The following MTUS2 variants were observed in gnomAD, a reference collection of about 807,000 sequenced individuals.
MTUS2 encodes microtubule-associated tumor suppressor candidate 2.
In MTUS2, 40 loss-of-function variants were observed where a neutral mutation model predicts 114.1. The ratio of observed to expected loss-of-function variants is 0.35; its 90% CI spans 0.27 to 0.46. The LOEUF (loss-of-function observed/expected upper bound fraction) is 0.46, where lower values mean the gene tolerates loss of function less well. MTUS2 is among the 20% of genes least tolerant of loss of function. MTUS2 has a pLI of 1.00. For missense variants in MTUS2, 1,679 were observed against 1,705.4 expected, an observed-to-expected ratio of 0.98 and a Z score of 0.27; for synonymous variants, 688 against 672.0, an observed-to-expected ratio of 1.02 and a Z score of -0.37.
At chr13:29,149,613 G>T (rs578217612) in intron 5 of MTUS2, among the ~76,000 whole-genome samples, 2 of 152,180 alleles carry the variant, frequency 1.3e-5, no homozygotes, top group Non-Finnish European at 2.9e-5. Context: ...GTCCTGAATG[G>T]TATTGCCTAG....
intron 5 of MTUS2, among the ~76,000 whole-genome samples, chr13:29,149,341 T>C (rs1269269114): frequency 2.0e-5 from 3 of 152,250 alleles, no homozygotes; most frequent in East Asian, 3.8e-4. Context: ...AAGTGTCTGT[T>C]CATGTCCTTT....
chr13:29,081,308 A>G (rs1889429809), intron 4 of MTUS2, among the ~76,000 whole-genome samples: 1 of 152,134 alleles, frequency 6.6e-6, no homozygotes, highest in Non-Finnish European at 1.5e-5. Context: ...GAAAAAGATG[A>G]CAGCTTCAAA....
intron 1 of MTUS2, among the ~76,000 whole-genome samples, chr13:28,836,041 T>C (rs918262188): frequency 3.3e-5 from 5 of 152,166 alleles, no homozygotes; most frequent in Non-Finnish European, 5.9e-5. Flanking sequence ...AGGTACACTT[T>C]ATAGGGTATA....
rs919533721 is a variant in MTUS2, at chr13:29,178,560, A to G, written c.2644+77590A>G. On this transcript the variant is annotated intron_variant, in intron 5 of 15. Coordinates refer to ENST00000612955, the MANE Select transcript of MTUS2 (RefSeq NM_001033602.4). ...ATGATTAGCAACATCCCTGGCCAAC[A>G]CCCTCAGTAGCACTTCAGCCCAGTT... is the stretch of plus-strand genomic sequence containing the variant. Among the ~76,000 whole-genome samples, 10 of 152,080 alleles carry G rather than the reference A, an allele frequency of 6.6e-5. No homozygotes were observed. In the East Asian group the frequency reaches 1.9e-3, roughly 29 times the overall value.
intron 6 of MTUS2, among the ~76,000 whole-genome samples, chr13:29,301,957 A>G (rs1244888711): frequency 6.6e-6 from 1 of 152,094 alleles, no homozygotes; most frequent in Non-Finnish European, 1.5e-5. Context: ...TTGGGGGCCT[A>G]TTTTATAAAA....
intron 4 of MTUS2, among the ~76,000 whole-genome samples, chr13:29,084,572 C>T (rs554883857): frequency 7.6e-6 from 1 of 131,024 alleles, no homozygotes; most frequent in African/African-American, 2.8e-5. Context: ...GAACCTTGCT[C>T]TGTCGCCCAG....
chr13:29,208,617 T>G (rs1444831764), intron 5 of MTUS2, among the ~76,000 whole-genome samples: 1 of 152,122 alleles, frequency 6.6e-6, no homozygotes, highest in Non-Finnish European at 1.5e-5. Flanking sequence ...CGAAAGGTTT[T>G]AATAGGTCGT....
chr13:29,177,259 G>A (rs536614878), intron 5 of MTUS2, among the ~76,000 whole-genome samples: 1 of 150,964 alleles, frequency 6.6e-6, no homozygotes, highest in African/African-American at 2.5e-5. Flanking sequence ...TTGGAAGTCA[G>A]TAACCTTTAA....
intron 1 of MTUS2, among the ~76,000 whole-genome samples, chr13:28,821,407 C>T (rs9508172): frequency 0.25 from 37,865 of 152,086 alleles, 5,356 homozygotes; most frequent in East Asian, 0.39. Context: ...TACATGTATA[C>T]TTTCTAGTTT....
intron 2 of MTUS2, among the ~76,000 whole-genome samples, chr13:28,871,780 A>C (rs1181370247): frequency 6.6e-6 from 1 of 152,216 alleles, no homozygotes; most frequent in Non-Finnish European, 1.5e-5. Flanking sequence ...TGGTTAAGGA[A>C]AGCCTCTCTG....
intron 2 of MTUS2, among the ~76,000 whole-genome samples, chr13:29,012,291 A>G (rs577146979): frequency 6.6e-6 from 1 of 152,200 alleles, no homozygotes; most frequent in East Asian, 1.9e-4. Context: ...AGTTTGCACC[A>G]ACCCGACTCA....
At chr13:29,060,802 C>T (rs1206960586) in intron 4 of MTUS2, among the ~76,000 whole-genome samples, 2 of 127,718 alleles carry the variant, frequency 1.6e-5, no homozygotes, top group African/African-American at 3.0e-5. Flanking sequence ...GATTAGTTGA[C>T]TTTTTTTTTT....
intron 5 of MTUS2, among the ~76,000 whole-genome samples, chr13:29,241,607 A>C (rs1400390647): frequency 6.6e-6 from 1 of 152,164 alleles, no homozygotes; most frequent in Non-Finnish European, 1.5e-5. Context: ...TTTCTCAAAA[A>C]TCACATGCTA....
At chr13:29,172,203 A>G (rs1893591977) in intron 5 of MTUS2, among the ~76,000 whole-genome samples, 1 of 152,244 alleles carries the variant, frequency 6.6e-6, no homozygotes. Flanking sequence ...GACATTGGAC[A>G]GGTCTCTTCA....
chr13:29,478,315 C>T (rs1405211213), intron 9 of MTUS2, among the ~76,000 whole-genome samples: 3 of 152,224 alleles, frequency 2.0e-5, no homozygotes, highest in East Asian at 1.9e-4. Flanking sequence ...CATGACAGTG[C>T]GGTGGTTAAG....
chr13:29,503,215 C>CAA lies in MTUS2; in HGVS notation c.*10_*11insAA. ...GCACAACACCCAGATGACGCCACTACACGGCCTGCGGGAGCTCCGGCTTCT... is the reference window on the plus strand; with the variant it reads ...GCACAACACCCAGATGACGCCACTACAAACGGCCTGCGGGAGCTCCGGCTTCT... On this transcript the variant is annotated 3_prime_UTR_variant, in exon 16 of 16. Transcript: ENST00000612955. 2.5e-6 allele frequency: 4 copies of CAA among 1,612,986 alleles called. No individual in the cohort carries two copies. The highest frequency in any genetic ancestry group is 3.4e-6 in the Non-Finnish European group (4 of 1,179,968).
chr13:28,829,718 A>G (rs1361493562), intron 1 of MTUS2, among the ~76,000 whole-genome samples: 1 of 152,266 alleles, frequency 6.6e-6, no homozygotes, highest in Non-Finnish European at 1.5e-5. Context: ...AACAATCAGC[A>G]GTAATTGTTT....
chr13:29,019,311 T>C (rs973251148), intron 2 of MTUS2, among the ~76,000 whole-genome samples: 2 of 152,160 alleles, frequency 1.3e-5, no homozygotes, highest in African/African-American at 2.4e-5. Flanking sequence ...CACCGGGGGC[T>C]GCTGTTTTGT....
chr13:29,027,819 G>T (rs7319939), intron 3 of MTUS2, among the ~76,000 whole-genome samples: 44 of 152,072 alleles, frequency 2.9e-4, no homozygotes, highest in Non-Finnish European at 5.9e-4. Context: ...GATTACAGGC[G>T]TGAGCCACCG....
Sources: gnomAD v4.1 joint callset for allele counts (sites outside exome capture counted in the v4.1 genomes callset) on GRCh38, gnomAD v4.1.1 for gene constraint, MANE v1.5 for transcripts, NCBI Gene and HGNC (gene_info 2026-07-23, HGNC 2026-07-21) for gene names.